The following TTC39C variants were observed in gnomAD, a reference collection of about 807,000 sequenced individuals.
TTC39C encodes the protein tetratricopeptide repeat protein 39C.
TTC39C carries 33 observed loss-of-function variants against 76.3 expected under a neutral mutation model. That is an observed-to-expected ratio of 0.43 (90% confidence interval 0.33 to 0.58). The LOEUF is 0.58. Among genes scored for constraint, TTC39C ranks in the 20% least tolerant of loss-of-function variants. The pLI is 0.04. For missense variants in TTC39C, 595 were observed against 701.4 expected (o/e 0.85, Z 1.71); for synonymous variants, 254 against 260.6 (o/e 0.97, Z 0.24).
upstream of TTC39C, among the ~76,000 whole-genome samples, chr18:24,011,131 A>G (rs961235957): frequency 6.6e-5 from 10 of 152,180 alleles, no homozygotes; most frequent in Admixed American, 2.0e-4. Context: ...TGTCGCTCTC[A>G]CATCCATTCC....
intron 7 of TTC39C, among the ~76,000 whole-genome samples, chr18:24,115,753 C>A (rs1289859058): frequency 6.6e-6 from 1 of 152,168 alleles, no homozygotes; most frequent in Non-Finnish European, 1.5e-5. Flanking sequence ...GCCCAATAAA[C>A]AATATTACGT....
chr18:24,086,838 C>CT, intron 6 of TTC39C, among the ~76,000 whole-genome samples: 2 of 152,088 alleles, frequency 1.3e-5, no homozygotes, highest in South Asian at 4.2e-4. Flanking sequence ...CAAACGCTGT[C>CT]TAAGTAAGGG....
chr18:24,019,907 C>G, intron 1 of TTC39C: 1 of 1,524,508 alleles, frequency 6.6e-7, no homozygotes, highest in East Asian at 2.5e-5. Flanking sequence ...CCTGGAGAAA[C>G]TCAAAGGCGC....
chr18:24,080,491 C>A, intron 4 of TTC39C, 94 bp from the exon 5 acceptor site: 1 of 965,532 alleles, frequency 1.0e-6, no homozygotes. Flanking sequence ...ACATTTTTGG[C>A]TTGATTTTCA....
chr18:24,095,201 T>C (rs1249299383), intron 6 of TTC39C, among the ~76,000 whole-genome samples: 2 of 152,250 alleles, frequency 1.3e-5, no homozygotes, highest in Non-Finnish European at 2.9e-5. Context: ...TGGGCTTTTC[T>C]TCTACAGCTT....
At chr18:24,051,662 T>G (rs1261778195) in intron 1 of TTC39C, among the ~76,000 whole-genome samples, 1 of 152,248 alleles carries the variant, frequency 6.6e-6, no homozygotes, top group Non-Finnish European at 1.5e-5. Context: ...GGTCATGGTT[T>G]GAGTCATGTC....
intron 8 of TTC39C, among the ~76,000 whole-genome samples, chr18:24,122,014 C>T (rs1209880069): frequency 6.6e-6 from 1 of 152,172 alleles, no homozygotes; most frequent in African/African-American, 2.4e-5. Context: ...TTTGAATATT[C>T]AGCCTCATCA....
chr18:24,101,869 T>C (rs1293733300), intron 6 of TTC39C, among the ~76,000 whole-genome samples: 2 of 152,240 alleles, frequency 1.3e-5, no homozygotes, highest in African/African-American at 4.8e-5. Flanking sequence ...TTTGATAACA[T>C]CTTAACATAA....
At chr18:24,087,738 C>A (rs1164078611) in intron 6 of TTC39C, among the ~76,000 whole-genome samples, 1 of 152,024 alleles carries the variant, frequency 6.6e-6, no homozygotes, top group Non-Finnish European at 1.5e-5. Flanking sequence ...GTGTGCACCA[C>A]CATGCCTGGC....
At chr18:24,056,583 C>A (rs200251555) in intron 1 of TTC39C, among the ~76,000 whole-genome samples, 2 of 78,972 alleles carry the variant, frequency 2.5e-5, no homozygotes, top group African/African-American at 7.6e-5. Flanking sequence ...TTCAGGAAAT[C>A]ATCATCAGTC....
At chr18:24,080,017 G>A (rs1438535820) in intron 4 of TTC39C, among the ~76,000 whole-genome samples, 1 of 151,846 alleles carries the variant, frequency 6.6e-6, no homozygotes, top group Non-Finnish European at 1.5e-5. Flanking sequence ...GCTCAGCCTG[G>A]TCTCAAACTC....
At chr18:24,045,910 TATA>T (rs2083867582) in intron 1 of TTC39C, among the ~76,000 whole-genome samples, 5 of 35,668 alleles carry the variant, frequency 1.4e-4, no homozygotes, top group Admixed American at 4.9e-4. Context: ...TATATATATA[TATA>T]TATATATATA....
At chr18:24,084,661 T>C (rs9946609) in intron 6 of TTC39C, among the ~76,000 whole-genome samples, 114,567 of 151,848 alleles carry the variant, frequency 0.75, 45,786 homozygotes, top group Non-Finnish European at 0.89. Flanking sequence ...ACTGTTTTTT[T>C]TCTTTTCCTT....
chr18:24,099,758 G>A (rs995420984), intron 6 of TTC39C, among the ~76,000 whole-genome samples: 3 of 151,958 alleles, frequency 2.0e-5, no homozygotes, highest in African/African-American at 7.2e-5. Flanking sequence ...ACTTACTGCT[G>A]TGAAATTCCC....
intron 1 of TTC39C, among the ~76,000 whole-genome samples, chr18:24,063,278 C>G (rs551210319): frequency 6.6e-6 from 1 of 152,124 alleles, no homozygotes; most frequent in Admixed American, 6.5e-5. Context: ...GAATGGCTGA[C>G]TCTTAGCGAG....
intron 10 of TTC39C, 33 bp downstream of exon 10, chr18:24,125,583 C>T (rs752219866): frequency 1.2e-6 from 2 of 1,612,292 alleles, no homozygotes; most frequent in Non-Finnish European, 8.5e-7. Flanking sequence ...AAACTGTCTA[C>T]TGGACACACT....
chr18:24,015,014 C>T lies in TTC39C; in HGVS notation c.143C>T (p.Ser48Leu). Reference sequence around the variant, plus strand: ...CTGCTCAACAACGGCTTCAGGGAGTCGGACCAGCTTTTCAAACAATACAGG... The same window carrying T: ...CTGCTCAACAACGGCTTCAGGGAGTTGGACCAGCTTTTCAAACAATACAGG... ...NMLLNNGFRESDQLFKQYRNH... is the reference protein window; with the variant it reads ...NMLLNNGFRELDQLFKQYRNH... The change falls in exon 1 of 14, where the codon TCG becomes TTG. Residue 48 changes from serine to leucine, a missense_variant. Transcript: ENST00000317571. The T allele has an allele frequency of 6.6e-7, 1 of 1,514,294 alleles. No individual in the cohort carries two copies. The highest frequency in any genetic ancestry group is 2.2e-5 in the Admixed American group (1 of 44,890). The allele number at this position is 1,514,294 out of a possible 1,614,324, so 93.8% of individuals were successfully genotyped here.
chr18:24,125,780 T>C, intron 10 of TTC39C: 1 of 472,626 alleles, frequency 2.1e-6, no homozygotes, highest in Non-Finnish European at 3.8e-6. Context: ...GAACATGTGC[T>C]GCTTTTGTTA....
In TTC39C at chr18:24,015,158, C is replaced by T. The variant is rs577343956; in HGVS notation, c.167+120C>T. On this transcript the variant is annotated intron_variant, in intron 1 of 13. Transcript: ENST00000317571. ...CTCCTGTCGGTCACCGATTCCGGTC[C>T]TCAGGTCTCCTCCCTGGCAAGATCA... The T allele has an allele frequency of 1.6e-4, 140 of 873,012 alleles. No individual in the cohort carries two copies. The East Asian group carries it at 4.1e-3, about 26-fold the overall frequency. 54.1% of individuals were successfully genotyped at this position (873,012 alleles called of 1,614,324 possible). A position where few individuals can be genotyped will look rare whatever the true frequency, so the allele number is the denominator to read the frequency against.
Sources: gnomAD v4.1 joint callset for allele counts (sites outside exome capture counted in the v4.1 genomes callset) on GRCh38, gnomAD v4.1.1 for gene constraint, MANE v1.5 for transcripts, NCBI Gene and HGNC (gene_info 2026-07-23, HGNC 2026-07-21) for gene names.